Variants in MED28 observed in about 807,000 individuals in gnomAD.
The protein encoded by MED28 is mediator complex subunit 28.
A neutral mutation model predicts 21.3 loss-of-function variants in MED28; 26 were observed. The ratio of observed to expected loss-of-function variants is 1.22; its 90% CI spans 0.89 to 1.69. The LOEUF (loss-of-function observed/expected upper bound fraction) is 1.69, where lower values mean the gene tolerates loss of function less well. Among genes scored for constraint, MED28 ranks in the 40% most tolerant of loss-of-function variants. The pLI is 0.00. For missense variants in MED28, 257 were observed against 215.4 expected (o/e 1.19, Z -1.21); for synonymous variants, 110 against 87.6 (o/e 1.26, Z -1.43).
chr4:17,620,692 CTTTTTTT>C (rs146604205), intron 2 of MED28, among the ~76,000 whole-genome samples: 66 of 108,844 alleles, frequency 6.1e-4, no homozygotes, highest in African/African-American at 8.2e-4. Flanking sequence ...TGCATTGTCT[CTTTTTTT>C]TTTTTTTTTT....
rs1030451805 is a variant in MED28, at chr4:17,627,450, T to A, written c.*3652T>A. ...TCATGCATCTTCCCTTCTTTCCTCT[T>A]TTCTCCTCCACCCAAATGTCTTAAC... On this transcript the variant is annotated 3_prime_UTR_variant, in exon 4 of 4. Transcript: ENST00000237380. 1.3e-5 allele frequency: 2 copies of A among 151,598 alleles called. No homozygotes were observed. Among genetic ancestry groups the A allele is most frequent in the Non-Finnish European group, 2.9e-5 (2 of 68,232 alleles). The allele number at this position is 151,598 out of a possible 1,614,324, so 9.4% of individuals were successfully genotyped here.
chr4:17,622,983 A>C (rs922453913), intron 3 of MED28, among the ~76,000 whole-genome samples: 2 of 152,330 alleles, frequency 1.3e-5, no homozygotes, highest in African/African-American at 2.4e-5. Flanking sequence ...CCCTCGACAC[A>C]TGGGAATTGT....
intron 1 of MED28, among the ~76,000 whole-genome samples, chr4:17,615,752 G>C (rs1323176693): frequency 1.3e-5 from 2 of 152,206 alleles, no homozygotes; most frequent in Non-Finnish European, 2.9e-5. Flanking sequence ...GGAGGTTGCA[G>C]TGAGCGGAGA....
rs1714746924 is a variant in MED28 at position 17,625,307 on chromosome 4, G to A, written c.*1509G>A. The A allele has an allele frequency of 5.6e-6, 1 of 177,102 alleles. No homozygotes were observed. The highest frequency in any genetic ancestry group is 2.4e-5 in the African/African-American group (1 of 41,756). The allele number at this position is 177,102 out of a possible 1,614,324, so 11.0% of individuals were successfully genotyped here. A position where few individuals can be genotyped will look rare whatever the true frequency, so the allele number is the denominator to read the frequency against. ...TGTGTGTATATGGTATCTGGCACAT[G>A]GATCTCTGATTACCAGCCTGACATC... On this transcript the variant is annotated 3_prime_UTR_variant, in exon 4 of 4. Transcript: ENST00000237380.
At chr4:17,622,272 CA>C (rs1476036600) in intron 3 of MED28, among the ~76,000 whole-genome samples, 1 of 152,158 alleles carries the variant, frequency 6.6e-6, no homozygotes, top group Non-Finnish European at 1.5e-5. Context: ...TCATCCTGCC[CA>C]AAAAGCCGGC....
chr4:17,626,044 G>T lies in MED28; in HGVS notation c.*2246G>T. On this transcript the variant is annotated 3_prime_UTR_variant, in exon 4 of 4. Coordinates refer to ENST00000237380, the MANE Select transcript of MED28 (RefSeq NM_025205.5). ...AATCTGTAAAATAGGGATAAGACTA[G>T]GACCTATTCCCCAGGATTACTTCTG... 6.4e-6 allele frequency: 1 copy of T among 156,848 alleles called. No homozygotes were observed. 9.7% of individuals were successfully genotyped at this position (156,848 alleles called of 1,614,324 possible). A position where few individuals can be genotyped will look rare whatever the true frequency, so the allele number is the denominator to read the frequency against.
In MED28 at chr4:17,632,043, A is replaced by ATTTTTTTTTTTTTTTTTTTTTTTTTTT. The variant is rs199549580; in HGVS notation, c.*8263_*8289dup. On this transcript the variant is annotated 3_prime_UTR_variant, in exon 4 of 4. Transcript: ENST00000237380. ...TTTTAATAACACTGGTTTAATGTCAATTTTTTTTTTTTTTTTTTTTTTTTT... is the reference window on the plus strand; with the variant it reads ...TTTTAATAACACTGGTTTAATGTCAATTTTTTTTTTTTTTTTTTTTTTTTTTTTTTTTTTTTTTTTTTTTTTTTTTTT... 3 of 117,624 alleles carry ATTTTTTTTTTTTTTTTTTTTTTTTTTT rather than the reference A, an allele frequency of 2.6e-5. No homozygotes were observed. The highest frequency in any genetic ancestry group is 2.2e-4 in the East Asian group (1 of 4,606). The allele number at this position is 117,624 out of a possible 1,614,324, so 7.3% of individuals were successfully genotyped here. A position where few individuals can be genotyped will look rare whatever the true frequency, so the allele number is the denominator to read the frequency against.
Position 17,614,664 on chromosome 4 carries a change from C to G in MED28, c.10C>G (p.Pro4Ala), listed in dbSNP as rs1301969149. MAAPLGGMFSGQPP... is the reference protein window; with the variant it reads MAAALGGMFSGQPP... The stretch of plus-strand genomic sequence containing the variant: ...TTGCGCCATTCCAAACATGGCGGCT[C>G]CACTAGGGGGTATGTTTTCTGGGCA... Residue 4 changes from proline (P) to alanine (A), a missense_variant, in exon 1 of 4, where the codon CCA becomes GCA. Transcript: ENST00000237380. The G allele has an allele frequency of 1.9e-6, 3 of 1,611,402 alleles. No individual in the cohort carries two copies. Among genetic ancestry groups the G allele is most frequent in the Middle Eastern group, 1.7e-4 (1 of 5,936 alleles).
Position 17,623,645 on chromosome 4 carries a change from A to T in MED28, c.384A>T (p.Leu128=). Reference sequence around the variant, plus strand: ...ATGAATTACAGCGGAAAGATGCACTAGTCCAGAAGCACTTGACAAAGCTGA... The same window carrying T: ...ATGAATTACAGCGGAAAGATGCACTTGTCCAGAAGCACTTGACAAAGCTGA... ...LRNELQRKDA[L]VQKHLTKLRH... The change falls in exon 4 of 4, where the codon CTA becomes CTT. Residue 128 remains leucine, a synonymous_variant. Transcript: ENST00000237380. The T allele has an allele frequency of 6.2e-7, 1 of 1,614,246 alleles. No individual in the cohort carries two copies. The highest frequency in any genetic ancestry group is 8.5e-7 in the Non-Finnish European group (1 of 1,180,038).
chr4:17,628,680 G>C lies in MED28; in HGVS notation c.*4882G>C, dbSNP rs1235820756. ...GGCATGCCTGGTGGAGGACCTGACT[G>C]AGACAATTGTGACTGGATGTGGTCT... On this transcript the variant is annotated 3_prime_UTR_variant, in exon 4 of 4. Transcript: ENST00000237380. 1.3e-5 allele frequency: 2 copies of C among 152,200 alleles called. No individual in the cohort carries two copies. The highest frequency in any genetic ancestry group is 2.9e-5 in the Non-Finnish European group (2 of 68,074). 9.4% of individuals were successfully genotyped at this position (152,200 alleles called of 1,614,324 possible).
intron 2 of MED28, among the ~76,000 whole-genome samples, chr4:17,620,692 CTTT>C (rs146604205): frequency 0.5 from 54,287 of 107,886 alleles, 11,363 homozygotes; most frequent in East Asian, 0.74. Flanking sequence ...TGCATTGTCT[CTTT>C]TTTTTTTTTT....
In MED28 at chr4:17,632,910, A is replaced by G. The variant is rs1715005033; in HGVS notation, c.*9112A>G. The G allele has an allele frequency of 4.1e-6, 1 of 245,202 alleles. No homozygotes were observed. Among genetic ancestry groups the G allele is most frequent in the South Asian group, 6.4e-5 (1 of 15,646 alleles). The allele number at this position is 245,202 out of a possible 1,614,324, so 15.2% of individuals were successfully genotyped here. A position where few individuals can be genotyped will look rare whatever the true frequency, so the allele number is the denominator to read the frequency against. On this transcript the variant is annotated 3_prime_UTR_variant, in exon 4 of 4. Coordinates refer to ENST00000237380, the MANE Select transcript of MED28 (RefSeq NM_025205.5). The stretch of plus-strand genomic sequence containing the variant: ...TAATAATGCAGGATTAACCAAACCT[A>G]CAGATCAAGAGACTTTGTTTTTATT...
chr4:17,620,071 A>G (rs886688215), intron 2 of MED28, 104 bp downstream of exon 2: 5 of 1,056,906 alleles, frequency 4.7e-6, no homozygotes, highest in African/African-American at 4.7e-5. Flanking sequence ...TCCTAAGACA[A>G]CATTTCAGGG....
At position 17,632,284 on chromosome 4, in the gene MED28, A is replaced by G. The variant is rs377293941; in HGVS notation, c.*8486A>G. The G allele has an allele frequency of 3.3e-4, 97 of 295,356 alleles. No individual in the cohort carries two copies. The East Asian group carries it at 4.4e-3, about 13-fold the overall frequency. The allele number at this position is 295,356 out of a possible 1,614,324, so 18.3% of individuals were successfully genotyped here. The stretch of plus-strand genomic sequence containing the variant: ...GAGATGGGGTTTCACCATATTGGCC[A>G]GGCTGGTCTCAAATTCCTGGACTCA... On this transcript the variant is annotated 3_prime_UTR_variant, in exon 4 of 4. Coordinates refer to ENST00000237380, the MANE Select transcript of MED28 (RefSeq NM_025205.5).
In MED28 at chr4:17,629,833, C is replaced by T. The variant is rs947590725; in HGVS notation, c.*6035C>T. ...CAATAGTGTTAGGGCACAGTAGGTTCATTTACTGCTGGTAAGGGTGTAAAT... is the reference window on the plus strand; with the variant it reads ...CAATAGTGTTAGGGCACAGTAGGTTTATTTACTGCTGGTAAGGGTGTAAAT... On this transcript the variant is annotated 3_prime_UTR_variant, in exon 4 of 4. Coordinates refer to ENST00000237380, the MANE Select transcript of MED28 (RefSeq NM_025205.5). 5 of 152,182 alleles carry T rather than the reference C, an allele frequency of 3.3e-5. No homozygotes were observed. The highest frequency in any genetic ancestry group is 7.3e-5 in the Non-Finnish European group (5 of 68,038). 9.4% of individuals were successfully genotyped at this position (152,182 alleles called of 1,614,324 possible).
At chr4:17,623,392 TC>T (rs994254483) in intron 3 of MED28, among the ~76,000 whole-genome samples, 2 of 110,830 alleles carry the variant, frequency 1.8e-5, no homozygotes, top group African/African-American at 7.3e-5. Context: ...CAGCAAGACT[TC>T]GTCTCAAAAA....
chr4:17,616,680 T>G (rs1167014415), intron 1 of MED28, among the ~76,000 whole-genome samples: 1 of 152,216 alleles, frequency 6.6e-6, no homozygotes, highest in Non-Finnish European at 1.5e-5. Context: ...TTCCCTGGCC[T>G]TCTTTTTAAT....
At chr4:17,618,832 G>A (rs1051515933) in intron 1 of MED28, among the ~76,000 whole-genome samples, 1 of 152,180 alleles carries the variant, frequency 6.6e-6, no homozygotes, top group Non-Finnish European at 1.5e-5. Context: ...GAGCCACCGT[G>A]CCCAGCCAGG....
Position 17,617,693 on chromosome 4 carries a change from G to A in MED28, c.160-2208G>A, listed in dbSNP as rs1345806363. Among the ~76,000 whole-genome samples the A allele has an allele frequency of 3.3e-5, 5 of 152,220 alleles. No individual in the cohort carries two copies. In the East Asian group the frequency reaches 9.7e-4, roughly 30 times the overall value. On this transcript the variant is annotated intron_variant, in intron 1 of 3. Coordinates refer to ENST00000237380, the MANE Select transcript of MED28 (RefSeq NM_025205.5). Reference sequence around the variant, plus strand: ...AGGCCAAGGTGGCTGGATCACTTGAGGTCACGAGTTCGAGACCATCCTGGG... The same window carrying A: ...AGGCCAAGGTGGCTGGATCACTTGAAGTCACGAGTTCGAGACCATCCTGGG...
Sources: gnomAD v4.1 joint callset for allele counts (sites outside exome capture counted in the v4.1 genomes callset) on GRCh38, gnomAD v4.1.1 for gene constraint, MANE v1.5 for transcripts, NCBI Gene and HGNC (gene_info 2026-07-23, HGNC 2026-07-21) for gene names.